AMBRA1: variants seen among roughly 807,000 people sequenced by gnomAD.
AMBRA1 encodes autophagy and beclin 1 regulator 1.
A neutral mutation model predicts 125.4 loss-of-function variants in AMBRA1; 47 were observed. The ratio of observed to expected loss-of-function variants is 0.37; its 90% CI spans 0.30 to 0.48. The LOEUF (loss-of-function observed/expected upper bound fraction) is 0.48. Ranked by LOEUF, AMBRA1 falls within the 20% of genes least tolerant of loss-of-function variation. AMBRA1 has a pLI of 0.99. For missense variants in AMBRA1, 1,331 were observed against 1,693.4 expected (o/e 0.79, Z 3.76); for synonymous variants, 626 against 655.5 (o/e 0.95, Z 0.69).
chr11:46,507,234 C>T (rs1590979865), intron 9 of AMBRA1, among the ~76,000 whole-genome samples: 1 of 148,336 alleles, frequency 6.7e-6, no homozygotes, highest in African/African-American at 2.5e-5. Flanking sequence ...AATCCCAGCA[C>T]TTTGGGAGGC....
intron 7 of AMBRA1, among the ~76,000 whole-genome samples, chr11:46,540,927 T>C (rs531465362): frequency 2.6e-5 from 4 of 152,228 alleles, no homozygotes; most frequent in Non-Finnish European, 4.4e-5. Flanking sequence ...AACTAATACT[T>C]ATTGACTGAG....
At chr11:46,592,237 C>T (rs867487115) in intron 1 of AMBRA1, among the ~76,000 whole-genome samples, 6 of 151,830 alleles carry the variant, frequency 4.0e-5, no homozygotes, top group Middle Eastern at 3.4e-3. Context: ...GCCCGACAGG[C>T]TGAATTTTTT....
intron 11 of AMBRA1, among the ~76,000 whole-genome samples, chr11:46,449,881 A>G (rs191096799): frequency 1.3e-5 from 2 of 152,300 alleles, no homozygotes; most frequent in Admixed American, 1.3e-4. Flanking sequence ...CAACATAGTG[A>G]AATCCCATCT....
chr11:46,591,833 G>A (rs1245379335), intron 1 of AMBRA1, among the ~76,000 whole-genome samples: 1 of 151,712 alleles, frequency 6.6e-6, no homozygotes, highest in African/African-American at 2.4e-5. Flanking sequence ...CTCCAGCCTG[G>A]GGGACAAAGC....
intron 11 of AMBRA1, among the ~76,000 whole-genome samples, chr11:46,477,735 T>C (rs73466099): frequency 0.013 from 1,915 of 152,012 alleles, 50 homozygotes; most frequent in African/African-American, 0.044. Flanking sequence ...CCCCAGCCCA[T>C]CAGCGACTGA....
chr11:46,566,025 A>C (rs2043518907), intron 1 of AMBRA1, among the ~76,000 whole-genome samples: 1 of 152,164 alleles, frequency 6.6e-6, no homozygotes, highest in South Asian at 2.1e-4. Flanking sequence ...TGCTGGGAAC[A>C]CAGGTGTGAG....
intron 7 of AMBRA1, among the ~76,000 whole-genome samples, chr11:46,534,658 GCATACTCCT>G (rs1952382766): frequency 6.6e-6 from 1 of 152,092 alleles, no homozygotes; most frequent in Non-Finnish European, 1.5e-5. Flanking sequence ...CAGTCCTTGT[GCATACTCCT>G]CAGTTCCCTC....
At chr11:46,579,874 G>A (rs1011153602) in intron 1 of AMBRA1, among the ~76,000 whole-genome samples, 1 of 152,104 alleles carries the variant, frequency 6.6e-6, no homozygotes, top group East Asian at 1.9e-4. Context: ...CACCACGCCT[G>A]GCTAACTTTA....
At chr11:46,409,176 A>G (rs1946165260) in intron 16 of AMBRA1, among the ~76,000 whole-genome samples, 1 of 152,112 alleles carries the variant, frequency 6.6e-6, no homozygotes, top group Non-Finnish European at 1.5e-5. Flanking sequence ...AAGTGAACTG[A>G]GAACTCCACT....
chr11:46,562,919 G>A (rs1565300380), intron 1 of AMBRA1, among the ~76,000 whole-genome samples: 1 of 151,592 alleles, frequency 6.6e-6, no homozygotes. Context: ...TTCTACCTCA[G>A]CCTCCTGAGT....
intron 9 of AMBRA1, among the ~76,000 whole-genome samples, chr11:46,505,598 C>T (rs1197981540): frequency 6.9e-6 from 1 of 144,626 alleles, no homozygotes; most frequent in Non-Finnish European, 1.5e-5. Context: ...ATAAGACCCC[C>T]TGAGAAAAAA....
At chr11:46,581,041 G>A (rs1398280582) in intron 1 of AMBRA1, among the ~76,000 whole-genome samples, 2 of 151,994 alleles carry the variant, frequency 1.3e-5, no homozygotes, top group East Asian at 1.9e-4. Context: ...CAATCCACCC[G>A]CCTCAGCCTC....
At chr11:46,465,837 A>G (rs1186917491) in intron 11 of AMBRA1, among the ~76,000 whole-genome samples, 1 of 152,226 alleles carries the variant, frequency 6.6e-6, no homozygotes, top group Non-Finnish European at 1.5e-5. Flanking sequence ...ACATTCACAG[A>G]AATTGTGCAA....
chr11:46,446,556 C>T (rs923406698), intron 11 of AMBRA1, among the ~76,000 whole-genome samples: 1 of 152,174 alleles, frequency 6.6e-6, no homozygotes, highest in Non-Finnish European at 1.5e-5. Context: ...AGTTTCTCAA[C>T]CTCTGCACTA....
Position 46,509,855 on chromosome 11 carries a change from C to T in AMBRA1, c.2160-1485G>A, listed in dbSNP as rs541217054. 1.5e-4 allele frequency among the ~76,000 whole-genome samples: 23 copies of T among 152,148 alleles called. No individual in the cohort carries two copies. In the South Asian group the frequency reaches 1.7e-3, roughly 11 times the overall value. On this transcript the variant is annotated intron_variant, in intron 8 of 17. Coordinates refer to ENST00000683756, the MANE Select transcript of AMBRA1 (RefSeq NM_001387011.1). ...ATAAAAGGAAAAGGGCATAGATTTT[C>T]GGTTTTTTAATGGAAATCAGAAAAA... is the stretch of plus-strand genomic sequence containing the variant.
chr11:46,535,982 T>A (rs1206580205), intron 7 of AMBRA1, among the ~76,000 whole-genome samples: 1 of 152,200 alleles, frequency 6.6e-6, no homozygotes, highest in Non-Finnish European at 1.5e-5. Flanking sequence ...GAGCTCAAGT[T>A]TTGGAAGGTG....
At chr11:46,519,274 T>C (rs1243338764) in intron 7 of AMBRA1, among the ~76,000 whole-genome samples, 1 of 138,008 alleles carries the variant, frequency 7.2e-6, no homozygotes, top group Non-Finnish European at 1.5e-5. Flanking sequence ...TCCACCCACT[T>C]TGGCCTCCCA....
chr11:46,486,654 C>CTA (rs1479336802), intron 11 of AMBRA1, among the ~76,000 whole-genome samples: 1 of 152,116 alleles, frequency 6.6e-6, no homozygotes, highest in African/African-American at 2.4e-5. Context: ...ACCTGTAATC[C>CTA]TAGCACTTTG....
chr11:46,573,828 A>T (rs1591164286), intron 1 of AMBRA1, among the ~76,000 whole-genome samples: 1 of 75,728 alleles, frequency 1.3e-5, no homozygotes, highest in East Asian at 4.5e-4. Context: ...CCCCCACCCC[A>T]CCACAGTCCC....
Sources: allele counts gnomAD v4.1 joint callset (sites outside exome capture counted in the v4.1 genomes callset), GRCh38; gene constraint gnomAD v4.1.1; transcripts MANE v1.5; gene names NCBI Gene and HGNC (gene_info 2026-07-23, HGNC 2026-07-21).